PYGL: variants seen among roughly 807,000 people sequenced by gnomAD.
PYGL encodes the protein glycogen phosphorylase, liver form.
PYGL carries 90 observed loss-of-function variants against 100.1 expected under a neutral mutation model. That is an observed-to-expected ratio of 0.90 (90% CI 0.76 to 1.07). PYGL has a LOEUF of 1.07. Ranked by LOEUF, PYGL falls within the 50% of genes least tolerant of loss-of-function variation. The pLI is 0.00. For synonymous variants in PYGL, 373 were observed against 393.0 expected, an observed-to-expected ratio of 0.95 and a Z score of 0.60; for missense variants, 1,016 against 1,057.6, an observed-to-expected ratio of 0.96 and a Z score of 0.55.
intron 1 of PYGL, among the ~76,000 whole-genome samples, chr14:50,943,410 A>T (rs2050717677): frequency 6.6e-6 from 1 of 152,140 alleles, no homozygotes; most frequent in African/African-American, 2.4e-5. Flanking sequence ...CCGTGGATGG[A>T]GGTGGTCCCT....
intron 4 of PYGL, 145 bp downstream of exon 4, chr14:50,931,528 T>C: frequency 2.8e-6 from 2 of 714,890 alleles, no homozygotes; most frequent in South Asian, 3.3e-5. Flanking sequence ...AGTGGGAAGA[T>C]GGATAGATAG....
At chr14:50,942,116 A>T (rs17123235) in intron 1 of PYGL, among the ~76,000 whole-genome samples, 14,436 of 152,248 alleles carry the variant, frequency 0.095, 961 homozygotes, top group African/African-American at 0.19. Context: ...TACTTGCTCT[A>T]CTTTATGAGG....
In PYGL at chr14:50,908,323, G is replaced by A; in HGVS notation, c.2327C>T (p.Ala776Val). The change falls in exon 19 of 20, where the codon GCA becomes GTA. Residue 776 changes from alanine (A) to valine (V), a missense_variant. Transcript: ENST00000216392. ...LFYHDRFKVFADYEAYVKCQD... is the reference protein window; with the variant it reads ...LFYHDRFKVFVDYEAYVKCQD... Reference sequence around the variant, plus strand: ...ACACTTGACATAGGCTTCGTAGTCTGCAAAGACTTTAAACCTTTTATTTTG... The same window carrying A: ...ACACTTGACATAGGCTTCGTAGTCTACAAAGACTTTAAACCTTTTATTTTG... The A allele has an allele frequency of 1.2e-6, 2 of 1,601,286 alleles. No individual in the cohort carries two copies. Among genetic ancestry groups the A allele is most frequent in the Non-Finnish European group, 1.7e-6 (2 of 1,168,380 alleles).
intron 4 of PYGL, among the ~76,000 whole-genome samples, chr14:50,931,201 G>A (rs2050598073): frequency 6.6e-6 from 1 of 152,154 alleles, no homozygotes; most frequent in Admixed American, 6.5e-5. Flanking sequence ...GGAATCTGGG[G>A]ATACAGACAT....
intron 16 of PYGL, among the ~76,000 whole-genome samples, chr14:50,911,458 A>G (rs2050396557): frequency 6.6e-6 from 1 of 152,222 alleles, no homozygotes; most frequent in African/African-American, 2.4e-5. Flanking sequence ...ATGATGCTGA[A>G]ACCCCAGGGC....
At chr14:50,935,251 T>C (rs2050644308) in intron 2 of PYGL, 66 bp from the exon 3 acceptor site, 1 of 1,263,922 alleles carries the variant, frequency 7.9e-7, no homozygotes, top group Admixed American at 1.7e-5. Context: ...GGGACAGCCA[T>C]TTCCTACAGC....
intron 7 of PYGL, 102 bp from the exon 8 acceptor site, chr14:50,917,207 G>T: frequency 1.5e-6 from 2 of 1,316,732 alleles, no homozygotes; most frequent in Non-Finnish European, 2.2e-6. Flanking sequence ...AAGGCCCATT[G>T]GACATCTGCT....
In PYGL at chr14:50,916,561, A is replaced by G; in HGVS notation, c.1092+81T>C. Reference sequence around the variant, plus strand: ...TAGCAACAATAACTTACTTTGAAAAACTAAAAAGGGAGTTTTTGGCAGTCT... The same window carrying G: ...TAGCAACAATAACTTACTTTGAAAAGCTAAAAAGGGAGTTTTTGGCAGTCT... On this transcript the variant is annotated intron_variant, in intron 9 of 19. Transcript: ENST00000216392. The G allele has an allele frequency of 2.3e-6, 3 of 1,303,234 alleles. No homozygotes were observed. In the South Asian group the frequency reaches 3.6e-5, roughly 16 times the overall value. The allele number at this position is 1,303,234 out of a possible 1,614,324, so 80.7% of individuals were successfully genotyped here.
intron 1 of PYGL, among the ~76,000 whole-genome samples, chr14:50,938,081 C>T (rs1453819168): frequency 6.6e-6 from 1 of 152,176 alleles, no homozygotes; most frequent in Non-Finnish European, 1.5e-5. Context: ...CATTCTAAGT[C>T]ACAGGATGAA....
chr14:50,923,870 C>T, intron 5 of PYGL, 99 bp downstream of exon 5: 4 of 1,382,018 alleles, frequency 2.9e-6, no homozygotes, highest in Non-Finnish European at 3.1e-6. Flanking sequence ...ACACGACATG[C>T]CCTATACTCA....
rs780652976 is a variant in PYGL at position 50,917,101 on chromosome 14, A to T, written c.860T>A (p.Phe287Tyr). The T allele has an allele frequency of 1.2e-6, 2 of 1,613,886 alleles. No individual in the cohort carries two copies. Among genetic ancestry groups the T allele is most frequent in the Non-Finnish European group, 1.7e-6 (2 of 1,179,744 alleles). The change falls in exon 8 of 20, where the codon TTT becomes TAT. Residue 287 changes from phenylalanine to tyrosine, a missense_variant. Physicochemically the swap from Phe to Tyr is conservative, Grantham distance 22. Transcript: ENST00000216392. ...CTTCAATCTTAGCTCCTTCCCTTCA[A>T]AAAACTTCAAGCCAGAGAGATAGAA... Reference protein sequence around the residue: ...SRVLYPNDNFFEGKELRLKQE... With the variant: ...SRVLYPNDNFYEGKELRLKQE...
Position 50,917,018 on chromosome 14 carries a change from A to G in PYGL, c.943T>C (p.Ser315Pro), listed in dbSNP as rs1419304769. 6.2e-7 allele frequency: 1 copy of G among 1,614,060 alleles called. No homozygotes were observed. Among genetic ancestry groups the G allele is most frequent in the African/African-American group, 1.3e-5 (1 of 74,944 alleles). Residue 315 changes from serine to proline, a missense_variant, in exon 8 of 20, where the codon TCC (serine) becomes CCC (proline). Ser to Pro is a moderately conservative substitution (Grantham distance 74). Transcript: ENST00000216392. Reference sequence around the variant, plus strand: ...GCACCACGGGTGGAGCCAAACTTGGAGGCTTTGAAACGGCGGATGATATCT... The same window carrying G: ...GCACCACGGGTGGAGCCAAACTTGGGGGCTTTGAAACGGCGGATGATATCT... The part of the protein sequence containing the change: ...LQDIIRRFKA[S>P]KFGSTRGAGT...
chr14:50,908,984 A>G, intron 17 of PYGL, 29 bp from the exon 18 acceptor site: 2 of 1,589,490 alleles, frequency 1.3e-6, no homozygotes, highest in Non-Finnish European at 1.7e-6. Flanking sequence ...TGGGTGATAA[A>G]AAAAGGCTCT....
At position 50,916,899 on chromosome 14, in the gene PYGL, T is replaced by C. The variant is rs1032752971; in HGVS notation, c.999+63A>G. On this transcript the variant is annotated intron_variant, in intron 8 of 19. Coordinates refer to ENST00000216392, the MANE Select transcript of PYGL (RefSeq NM_002863.5). ...TAGCACTGAGAGAGAGGAATTAATC[T>C]GATAGGAAATCCCAGTCAATCCCTC... 3.2e-6 allele frequency: 5 copies of C among 1,582,818 alleles called. No individual in the cohort carries two copies. The Admixed American group carries it at 5.0e-5, about 16-fold the overall frequency.
rs2050359118 is a variant in PYGL, at chr14:50,908,746, T to A, written c.2312+75A>T. On this transcript the variant is annotated intron_variant, in intron 18 of 19. Coordinates refer to ENST00000216392, the MANE Select transcript of PYGL (RefSeq NM_002863.5). ...TGGTTTAAGATTTTCTTGTTGGTTT[T>A]AGAGTTGGTTGGTTTAAGATTTTCT... 13 of 1,513,122 alleles carry A rather than the reference T, an allele frequency of 8.6e-6. No homozygotes were observed. In the Admixed American group the frequency reaches 2.2e-4, roughly 25 times the overall value. The allele number at this position is 1,513,122 out of a possible 1,614,324, so 93.7% of individuals were successfully genotyped here. A position where few individuals can be genotyped will look rare whatever the true frequency, so the allele number is the denominator to read the frequency against.
At chr14:50,942,184 G>A (rs201943093) in intron 1 of PYGL, among the ~76,000 whole-genome samples, 2 of 94,368 alleles carry the variant, frequency 2.1e-5, no homozygotes, top group African/African-American at 5.9e-5. Flanking sequence ...TGATGAACAC[G>A]TGTGGAATGA....
chr14:50,935,365 G>A (rs909306346), intron 2 of PYGL, among the ~76,000 whole-genome samples, 180 bp from the exon 3 acceptor site: 1 of 152,210 alleles, frequency 6.6e-6, no homozygotes, highest in Non-Finnish European at 1.5e-5. Flanking sequence ...AACTGTATGA[G>A]ATGGTGCAGC....
At chr14:50,934,820 T>C (rs923933044) in intron 3 of PYGL, among the ~76,000 whole-genome samples, 1 of 152,168 alleles carries the variant, frequency 6.6e-6, no homozygotes, top group African/African-American at 2.4e-5. Flanking sequence ...GGTGCTAGCA[T>C]AATAAATTTT....
intron 1 of PYGL, among the ~76,000 whole-genome samples, chr14:50,940,986 G>C (rs1228375528): frequency 6.6e-6 from 1 of 152,184 alleles, no homozygotes; most frequent in Admixed American, 6.5e-5. Flanking sequence ...GGATTGGTTT[G>C]TTGGGAGAGC....
Sources: gnomAD v4.1 joint callset for allele counts (sites outside exome capture counted in the v4.1 genomes callset) on GRCh38, gnomAD v4.1.1 for gene constraint, MANE v1.5 for transcripts, NCBI Gene and HGNC (gene_info 2026-07-23, HGNC 2026-07-21) for gene names.